FSD2: variants seen among roughly 807,000 people sequenced by gnomAD.
FSD2 encodes the protein fibronectin type III and SPRY domain containing 2, also known as fibronectin type III and SPRY domain-containing protein 2.
A neutral mutation model predicts 80.4 loss-of-function variants in FSD2; 71 were observed. The ratio of observed to expected loss-of-function variants is 0.88; its 90% CI spans 0.73 to 1.08. FSD2 has a LOEUF of 1.08. Among genes scored for constraint, FSD2 ranks in the 50% least tolerant of loss-of-function variants. The pLI is 0.00. For synonymous variants in FSD2, 361 were observed against 329.5 expected (o/e 1.10, Z -1.03); for missense variants, 923 against 913.8 (o/e 1.01, Z -0.13).
intron 10 of FSD2, 88 bp downstream of exon 10, chr15:82,765,810 C>T: frequency 1.4e-6 from 2 of 1,467,184 alleles, no homozygotes; most frequent in East Asian, 2.4e-5. Context: ...GCATATTCAT[C>T]AATTTCCCAG....
rs2050222875 is a variant in FSD2, at chr15:82,794,774, G to C, written c.-78-7306C>G. On this transcript the variant is annotated intron_variant, in intron 1 of 12. Transcript: ENST00000334574. ...GAGTCTCGCTCTGTCACCCAGGTTG[G>C]AGTTCAGCGGCGCGATCTCGGCTTA... Among the ~76,000 whole-genome samples, 3 of 150,464 alleles carry C rather than the reference G, an allele frequency of 2.0e-5. No individual in the cohort carries two copies. The South Asian group carries it at 6.3e-4, about 32-fold the overall frequency.
chr15:82,789,151 G>A (rs2050078894), intron 1 of FSD2, among the ~76,000 whole-genome samples: 1 of 151,952 alleles, frequency 6.6e-6, no homozygotes, highest in Non-Finnish European at 1.5e-5. Context: ...TTTTGAAAAG[G>A]TTTAATGATT....
At chr15:82,761,738 A>G (rs902160352) in intron 12 of FSD2, among the ~76,000 whole-genome samples, 31 of 150,534 alleles carry the variant, frequency 2.1e-4, no homozygotes, top group African/African-American at 7.6e-4. Context: ...CTGGCTTTGA[A>G]GTCCAGGGCT....
chr15:82,781,248 C>T (rs765825281), intron 4 of FSD2, among the ~76,000 whole-genome samples: 2 of 152,150 alleles, frequency 1.3e-5, no homozygotes, highest in African/African-American at 4.8e-5. Flanking sequence ...AGAAGCCCAC[C>T]TTCATGTTTA....
chr15:82,801,068 G>A (rs2050401612), intron 1 of FSD2, among the ~76,000 whole-genome samples: 1 of 152,144 alleles, frequency 6.6e-6, no homozygotes, highest in African/African-American at 2.4e-5. Context: ...CCCTCAAGGA[G>A]CAGCCCATTC....
At chr15:82,759,702 A>C (rs1313507127) in intron 12 of FSD2, 102 bp from the exon 13 acceptor site, 1 of 961,198 alleles carries the variant, frequency 1.0e-6, no homozygotes, top group East Asian at 2.7e-5. Flanking sequence ...TGATTTTGCT[A>C]TTTTCTAGTA....
At chr15:82,772,260 C>T (rs1105287) in intron 6 of FSD2, 32 bp from the exon 7 acceptor site, 2 of 1,579,160 alleles carry the variant, frequency 1.3e-6, no homozygotes, top group South Asian at 2.3e-5. Flanking sequence ...GAAGAGGAAC[C>T]TCTAATAGAG....
chr15:82,797,355 C>T (rs2050300708), intron 1 of FSD2, among the ~76,000 whole-genome samples: 1 of 152,192 alleles, frequency 6.6e-6, no homozygotes, highest in East Asian at 1.9e-4. Flanking sequence ...AGCAAGGTTG[C>T]TCTGTTCTTA....
chr15:82,789,221 A>G (rs1596255466), intron 1 of FSD2, among the ~76,000 whole-genome samples: 1 of 152,112 alleles, frequency 6.6e-6, no homozygotes, highest in African/African-American at 2.4e-5. Flanking sequence ...GCAGCCTTCA[A>G]AATGTTTATG....
intron 12 of FSD2, among the ~76,000 whole-genome samples, chr15:82,760,851 A>G (rs1452022122): frequency 6.6e-6 from 1 of 151,658 alleles, no homozygotes; most frequent in Non-Finnish European, 1.5e-5. Flanking sequence ...CCCCTCTTCT[A>G]TTGTGTCTTC....
chr15:82,771,673 T>C (rs1271555261), intron 7 of FSD2, among the ~76,000 whole-genome samples: 4 of 152,194 alleles, frequency 2.6e-5, no homozygotes, highest in Non-Finnish European at 4.4e-5. Flanking sequence ...ATCCTCCAGT[T>C]TCTTCTGCAG....
intron 1 of FSD2, among the ~76,000 whole-genome samples, chr15:82,791,962 A>T (rs902986897): frequency 6.6e-6 from 1 of 152,194 alleles, no homozygotes; most frequent in Admixed American, 6.5e-5. Context: ...TGGATATGCC[A>T]TATTTTGTTT....
At chr15:82,774,486 G>C (rs552620310) in intron 6 of FSD2, among the ~76,000 whole-genome samples, 2 of 152,306 alleles carry the variant, frequency 1.3e-5, no homozygotes, top group South Asian at 4.1e-4. Flanking sequence ...CATTTTTACA[G>C]ATGAAGAAAC....
chr15:82,771,402 C>G (rs1462819396), intron 7 of FSD2, among the ~76,000 whole-genome samples: 1 of 152,228 alleles, frequency 6.6e-6, no homozygotes, highest in Non-Finnish European at 1.5e-5. Context: ...ACATGTTCAG[C>G]TGGGGCTCTT....
rs2050018058 is a variant in FSD2 at position 82,787,048 on chromosome 15, T to G, written c.343A>C (p.Arg115=). ...PYMMKRRDPA[R]EQRDWRLSGE... ...CTAAGTCTCCAGTCTCTCTGCTCCC[T>G]GGCTGGGTCTCTCCTCTTCATCATA... Residue 115 remains arginine (R), a synonymous_variant, in exon 2 of 13, where the codon AGG becomes CGG. Coordinates refer to ENST00000334574, the MANE Select transcript of FSD2 (RefSeq NM_001007122.4). 1 of 1,613,994 alleles carries G rather than the reference T, an allele frequency of 6.2e-7. No individual in the cohort carries two copies.
At chr15:82,790,206 C>CAACA (rs1363307030) in intron 1 of FSD2, among the ~76,000 whole-genome samples, 1 of 134,342 alleles carries the variant, frequency 7.4e-6, no homozygotes, top group South Asian at 2.5e-4. Flanking sequence ...ACAACAACAA[C>CAACA]AACAAACAAA....
At chr15:82,797,796 C>T (rs976911525) in intron 1 of FSD2, among the ~76,000 whole-genome samples, 2 of 151,522 alleles carry the variant, frequency 1.3e-5, no homozygotes, top group Non-Finnish European at 1.5e-5. Flanking sequence ...GGCGACAGAG[C>T]GAGACTCCAT....
intron 12 of FSD2, 59 bp from the exon 13 acceptor site, chr15:82,759,659 G>T: frequency 7.4e-7 from 1 of 1,354,138 alleles, no homozygotes; most frequent in Non-Finnish European, 9.9e-7. Flanking sequence ...ACTATTTATA[G>T]AACATTTCAT....
Position 82,772,112 on chromosome 15 carries a change from G to A in FSD2, c.1228C>T (p.Arg410Trp), listed in dbSNP as rs200907910. Reference protein sequence around the residue: ...DTVESYQLSYRPVQDSSPGTD... With the variant: ...DTVESYQLSYWPVQDSSPGTD... ...CCAGGTGAGCTGTCCTGCACTGGCC[G>A]GTAGGACAGCTGATAGCTCTCCACA... The change falls in exon 7 of 13, where the codon CGG becomes TGG. Residue 410 changes from arginine to tryptophan, a missense_variant. Coordinates refer to ENST00000334574, the MANE Select transcript of FSD2 (RefSeq NM_001007122.4). The A allele has an allele frequency of 6.0e-5, 96 of 1,604,412 alleles. No individual in the cohort carries two copies. The highest frequency in any genetic ancestry group is 6.9e-5 in the Non-Finnish European group (81 of 1,176,260).
Sources: gnomAD v4.1 joint callset for allele counts (sites outside exome capture counted in the v4.1 genomes callset) on GRCh38, gnomAD v4.1.1 for gene constraint, MANE v1.5 for transcripts, NCBI Gene and HGNC (gene_info 2026-07-23, HGNC 2026-07-21) for gene names.